The following WDR17 variants were observed in gnomAD, a reference collection of about 807,000 sequenced individuals.
WDR17 encodes WD repeat-containing protein 17.
In WDR17, 143 loss-of-function variants were observed where a neutral mutation model predicts 161.7. The observed-to-expected ratio is 0.88, with a 90% confidence interval of 0.77 to 1.02. The LOEUF (loss-of-function observed/expected upper bound fraction) is 1.02. Among genes scored for constraint, WDR17 ranks in the 50% least tolerant of loss-of-function variants. The probability of loss-of-function intolerance (pLI) is 0.00; values close to 1 mark genes in which losing one functional copy is unlikely to be tolerated. For missense variants in WDR17, 1,469 were observed against 1,520.9 expected (o/e 0.97, Z 0.57); for synonymous variants, 517 against 515.6 (o/e 1.00, Z -0.04).
At chr4:176,165,967 G>A (rs56273989) in intron 22 of WDR17, among the ~76,000 whole-genome samples, 3,054 of 152,238 alleles carry the variant, frequency 0.02, 40 homozygotes, top group Middle Eastern at 0.068. Context: ...TATTAGTAGA[G>A]CTGCACAGAT....
At chr4:176,110,215 C>T (rs918962796) in intron 1 of WDR17, among the ~76,000 whole-genome samples, 2 of 152,112 alleles carry the variant, frequency 1.3e-5, no homozygotes, top group East Asian at 3.9e-4. Flanking sequence ...CATCTCTGCT[C>T]ACTGCAAGCT....
intron 18 of WDR17, among the ~76,000 whole-genome samples, chr4:176,159,263 A>ACACACACACATG (rs1491587131): frequency 1.9e-5 from 1 of 53,560 alleles, no homozygotes; most frequent in Admixed American, 1.4e-4. Context: ...ATGGGAAGAT[A>ACACACACACATG]CACACACACA....
Position 176,160,061 on chromosome 4 carries a change from G to A in WDR17, c.2593G>A (p.Val865Met). 4 of 1,613,830 alleles carry A rather than the reference G, an allele frequency of 2.5e-6. No homozygotes were observed. Among genetic ancestry groups the A allele is most frequent in the Middle Eastern group, 1.7e-4 (1 of 6,060 alleles). The part of the protein sequence containing the change: ...VIPYCIAIGD[V>M]KKLVHFFMSR... ...TCCATACTGCATAGCCATTGGTGAT[G>A]TGAAAAAGCTAGTCCATTTTTTCAT... Residue 865 changes from valine (V) to methionine (M), a missense_variant, in exon 19 of 29, where the codon GTG becomes ATG. Transcript: ENST00000508596.
rs201170268 is a variant in WDR17 at position 176,137,552 on chromosome 4, C to T, written c.1300C>T (p.Arg434Ter). Residue 434 changes from arginine (R) to a stop codon, truncating the protein, a stop_gained, in exon 9 of 29, where the codon CGA becomes TGA. Transcript: ENST00000508596. LOFTEE classifies it high-confidence loss of function. ...GLNCIAGGTSRNGAFIWNVQK... is the reference protein window; with the variant it reads ...GLNCIAGGTS ...AAATTGTATTGCTGGGGGAACTTCC[C>T]GAAATGGTGCTTTTATTTGGAATGT... 1.6e-5 allele frequency: 25 copies of T among 1,600,642 alleles called. No homozygotes were observed. Among genetic ancestry groups the T allele is most frequent in the East Asian group, 9.0e-5 (4 of 44,348 alleles).
At chr4:176,156,677 TAA>T (rs34152816) in intron 18 of WDR17, among the ~76,000 whole-genome samples, 102 of 128,850 alleles carry the variant, frequency 7.9e-4, no homozygotes, top group Admixed American at 1.0e-3. Flanking sequence ...GGGGTTGCCG[TAA>T]AAAAAAAAAA....
At chr4:176,116,048 A>G in intron 3 of WDR17, 69 bp downstream of exon 3, 1 of 1,415,404 alleles carries the variant, frequency 7.1e-7, no homozygotes, top group Non-Finnish European at 9.5e-7. Context: ...TATCAATATT[A>G]TTAGTTCAGC....
intron 25 of WDR17, among the ~76,000 whole-genome samples, chr4:176,174,068 A>T (rs1298752130): frequency 6.6e-6 from 1 of 152,060 alleles, no homozygotes; most frequent in African/African-American, 2.4e-5. Context: ...AAATTGCTGG[A>T]AAGTACAAAA....
intron 5 of WDR17, among the ~76,000 whole-genome samples, chr4:176,127,294 A>ATT (rs34588473): frequency 1.4e-4 from 20 of 143,098 alleles, no homozygotes; most frequent in African/African-American, 2.3e-4. Flanking sequence ...TAGGCATGGA[A>ATT]TTTTTTTTTT....
intron 25 of WDR17, 64 bp downstream of exon 25, chr4:176,173,433 GT>G: frequency 1.0e-5 from 11 of 1,074,208 alleles, no homozygotes; most frequent in Non-Finnish European, 1.4e-5. Context: ...TGGCTCCATT[GT>G]TTTTGGTATT....
At position 176,150,562 on chromosome 4, in the gene WDR17, T is replaced by C. The variant is rs754395527; in HGVS notation, c.2273T>C (p.Met758Thr). The change falls in exon 16 of 29, where the codon ATG (methionine) becomes ACG (threonine). Residue 758 changes from methionine (M) to threonine (T), a missense_variant. Coordinates refer to ENST00000508596, the MANE Select transcript of WDR17 (RefSeq NM_181265.4). ...CCTCAGAACTACTGCAAAGGAATAATGCACTTGAAACATCTGATTAAATTT... is the reference window on the plus strand; with the variant it reads ...CCTCAGAACTACTGCAAAGGAATAACGCACTTGAAACATCTGATTAAATTT... ...LLPQNYCKGI[M>T]HLKHLIKFRT... 6.2e-7 allele frequency: 1 copy of C among 1,608,664 alleles called. No individual in the cohort carries two copies. Among genetic ancestry groups the C allele is most frequent in the Non-Finnish European group, 8.5e-7 (1 of 1,178,110 alleles).
intron 23 of WDR17, among the ~76,000 whole-genome samples, chr4:176,171,506 G>C (rs1314564334): frequency 6.6e-6 from 1 of 152,094 alleles, no homozygotes; most frequent in East Asian, 1.9e-4. Flanking sequence ...TTGTTTGAGA[G>C]AGAGATTGAG....
At chr4:176,136,297 C>T (rs938561490) in intron 8 of WDR17, among the ~76,000 whole-genome samples, 1 of 151,608 alleles carries the variant, frequency 6.6e-6, no homozygotes, top group Non-Finnish European at 1.5e-5. Flanking sequence ...GCAGTATGCA[C>T]CTCCACTGTA....
intron 5 of WDR17, among the ~76,000 whole-genome samples, chr4:176,126,096 C>T (rs1372303188): frequency 6.6e-6 from 1 of 152,206 alleles, no homozygotes; most frequent in Non-Finnish European, 1.5e-5. Flanking sequence ...CTAACTGCCT[C>T]TGATTAGACC....
rs778799763 is a variant in WDR17 at position 176,125,199 on chromosome 4, A to G, written c.634A>G (p.Thr212Ala). Residue 212 changes from threonine to alanine, a missense_variant, in exon 5 of 29, where the codon ACT becomes GCT. Coordinates refer to ENST00000508596, the MANE Select transcript of WDR17 (RefSeq NM_181265.4). ...VTALEWDPLS[T>A]DYLLVVNLHY... is the part of the protein sequence containing the mutation. ...GGCCTTGGAATGGGACCCACTATCTACTGATTATCTTCTAGTGGTTAATTT... is the reference window on the plus strand; with the variant it reads ...GGCCTTGGAATGGGACCCACTATCTGCTGATTATCTTCTAGTGGTTAATTT... 1 of 1,614,180 alleles carries G rather than the reference A, an allele frequency of 6.2e-7. No homozygotes were observed. Among genetic ancestry groups the G allele is most frequent in the Non-Finnish European group, 8.5e-7 (1 of 1,180,024 alleles).
chr4:176,136,588 T>G lies in WDR17; in HGVS notation c.1268-932T>G, dbSNP rs1744447227. On this transcript the variant is annotated intron_variant, in intron 8 of 28. Transcript: ENST00000508596. ...TCATTTTCTGTTATGTGATTACTGGTGCATCATGACTTTGAGGTAAGTGGG... is the reference window on the plus strand; with the variant it reads ...TCATTTTCTGTTATGTGATTACTGGGGCATCATGACTTTGAGGTAAGTGGG... Among the ~76,000 whole-genome samples, 2 of 151,648 alleles carry G rather than the reference T, an allele frequency of 1.3e-5. 1 individual carries two copies. Among genetic ancestry groups the G allele is most frequent in the South Asian group, 4.1e-4 (2 of 4,830 alleles).
Position 176,076,214 on chromosome 4 carries a change from A to T in WDR17, c.-7+10135A>T, listed in dbSNP as rs1193302684. Reference sequence around the variant, plus strand: ...TAGTTAACTGTATGTTTACATATATAATATATATATATATATATATATATA... The same window carrying T: ...TAGTTAACTGTATGTTTACATATATTATATATATATATATATATATATATA... On this transcript the variant is annotated intron_variant, in intron 1 of 28. Transcript: ENST00000508596. 4.5e-4 allele frequency among the ~76,000 whole-genome samples: 28 copies of T among 62,254 alleles called. 1 individual carries two copies. The highest frequency in any genetic ancestry group is 4.0e-4 in the Non-Finnish European group (11 of 27,780). The allele number at this position is 62,254 out of a possible 152,430, so 40.8% of individuals were successfully genotyped here.
intron 11 of WDR17, among the ~76,000 whole-genome samples, chr4:176,144,738 C>T (rs1395742690): frequency 2.0e-5 from 3 of 152,060 alleles, no homozygotes; most frequent in Admixed American, 6.5e-5. Flanking sequence ...TCATATTCCA[C>T]TTAGTGTCTT....
rs745657797 is a variant in WDR17 at position 176,151,950 on chromosome 4, A to G, written c.2443A>G (p.Met815Val). 9 of 1,612,380 alleles carry G rather than the reference A, an allele frequency of 5.6e-6. No homozygotes were observed. Among genetic ancestry groups the G allele is most frequent in the Middle Eastern group, 1.6e-4 (1 of 6,078 alleles). Residue 815 changes from methionine (M) to valine (V), a missense_variant, in exon 17 of 29, where the codon ATG becomes GTG. Met to Val is a conservative substitution (Grantham distance 21, BLOSUM62 1). Transcript: ENST00000508596. ...ACAAATTCAGAGATACTGTGAACTT[A>G]TGGTTGAACTTGGAGAGGTAATGTG... Reference protein sequence around the residue: ...LGQIQRYCELMVELGEWDKAL... With the variant: ...LGQIQRYCELVVELGEWDKAL...
At position 176,098,711 on chromosome 4, in the gene WDR17, T is replaced by C. The variant is rs181398788; in HGVS notation, c.-6-12864T>C. On this transcript the variant is annotated intron_variant, in intron 1 of 28. Coordinates refer to ENST00000508596, the MANE Select transcript of WDR17 (RefSeq NM_181265.4). ...ATTTAGAAATTCACATATTAGACTTTGTTTGAATATGTAATTCAGATTTTA... is the reference window on the plus strand; with the variant it reads ...ATTTAGAAATTCACATATTAGACTTCGTTTGAATATGTAATTCAGATTTTA... 9.2e-5 allele frequency among the ~76,000 whole-genome samples: 14 copies of C among 152,092 alleles called. No individual in the cohort carries two copies. The East Asian group carries it at 2.3e-3, about 25-fold the overall frequency.
Sources: gnomAD v4.1 joint callset for allele counts (sites outside exome capture counted in the v4.1 genomes callset) on GRCh38, gnomAD v4.1.1 for gene constraint, MANE v1.5 for transcripts, NCBI Gene and HGNC (gene_info 2026-07-23, HGNC 2026-07-21) for gene names.